The following SLC24A2 variants were observed in gnomAD, a reference collection of about 807,000 sequenced individuals.
SLC24A2 encodes solute carrier family 24 member 2, also known as sodium/potassium/calcium exchanger 2.
Under a neutral mutation model 62.0 loss-of-function variants are expected in SLC24A2, and 36 were observed. The ratio of observed to expected loss-of-function variants is 0.58; its 90% CI spans 0.44 to 0.77. The LOEUF (loss-of-function observed/expected upper bound fraction) is 0.77. Among genes scored for constraint, SLC24A2 ranks in the 30% least tolerant of loss-of-function variants. The pLI is 0.00. For synonymous variants in SLC24A2, 358 were observed against 294.0 expected (o/e 1.22, Z -2.23); for missense variants, 846 against 817.9 (o/e 1.03, Z -0.42).
chr9:19,706,921 GAAAT>G (rs1308260783), intron 2 of SLC24A2, among the ~76,000 whole-genome samples: 3 of 151,788 alleles, frequency 2.0e-5, no homozygotes, highest in Non-Finnish European at 4.4e-5. Flanking sequence ...AGAACTGAAG[GAAAT>G]AGAGACACAA....
the SLC24A2 span, among the ~76,000 whole-genome samples, chr9:20,072,313 C>T: frequency 6.6e-6 from 1 of 152,044 alleles, no homozygotes; most frequent in Non-Finnish European, 1.5e-5. Context: ...CAATGAGGGT[C>T]TTATGACCCA....
chr9:19,595,599 T>A (rs796977054), intron 5 of SLC24A2, among the ~76,000 whole-genome samples: 113 of 152,272 alleles, frequency 7.4e-4, no homozygotes, highest in African/African-American at 2.6e-3. Flanking sequence ...AGTGATAGAA[T>A]CAGATTGGAA....
chr9:19,523,001 T>G (rs1183286763), intron 9 of SLC24A2, among the ~76,000 whole-genome samples: 1 of 152,170 alleles, frequency 6.6e-6, no homozygotes, highest in Non-Finnish European at 1.5e-5. Flanking sequence ...ATTAAATTCT[T>G]GGAGGGAATT....
chr9:19,566,148 C>A (rs1166525044), intron 7 of SLC24A2, among the ~76,000 whole-genome samples: 1 of 151,950 alleles, frequency 6.6e-6, no homozygotes, highest in Non-Finnish European at 1.5e-5. Flanking sequence ...TTCTGCACAG[C>A]AAAAGAAACT....
At chr9:19,538,880 G>A (rs1160228173) in intron 8 of SLC24A2, among the ~76,000 whole-genome samples, 7 of 126,454 alleles carry the variant, frequency 5.5e-5, no homozygotes, top group African/African-American at 2.1e-4. Flanking sequence ...CACAATTTCA[G>A]AGCCTGTTAT....
intron 7 of SLC24A2, among the ~76,000 whole-genome samples, chr9:19,552,411 A>C (rs972806543): frequency 3.9e-5 from 6 of 152,194 alleles, no homozygotes; most frequent in African/African-American, 1.4e-4. Context: ...GTTTAACCCA[A>C]ATGAATGACT....
the SLC24A2 span, among the ~76,000 whole-genome samples, chr9:19,848,279 G>A: frequency 7.2e-5 from 11 of 152,150 alleles, no homozygotes; most frequent in African/African-American, 2.7e-4. Flanking sequence ...TAGAGGAAGA[G>A]GTTTAAATTG....
At chr9:20,300,387 T>C in the SLC24A2 span, among the ~76,000 whole-genome samples, 1 of 152,210 alleles carries the variant, frequency 6.6e-6, no homozygotes, top group African/African-American at 2.4e-5. Context: ...TTGTTTGTTT[T>C]CTATAAAATG....
chr9:20,081,092 T>C, the SLC24A2 span, among the ~76,000 whole-genome samples: 1 of 152,208 alleles, frequency 6.6e-6, no homozygotes, highest in Non-Finnish European at 1.5e-5. Context: ...GATCTAGAAC[T>C]GGAAATACCA....
chr9:19,973,836 G>C, the SLC24A2 span, among the ~76,000 whole-genome samples: 1 of 152,126 alleles, frequency 6.6e-6, no homozygotes, highest in Admixed American at 6.6e-5. Context: ...TTAGATAGTA[G>C]GTTTTTTTGA....
At chr9:19,768,976 T>C (rs1461592222) in intron 2 of SLC24A2, among the ~76,000 whole-genome samples, 1 of 152,048 alleles carries the variant, frequency 6.6e-6, no homozygotes, top group Non-Finnish European at 1.5e-5. Context: ...TTCCATCCCA[T>C]GGCTTTACAC....
At chr9:19,674,246 T>G (rs183356279) in intron 2 of SLC24A2, among the ~76,000 whole-genome samples, 197 of 152,342 alleles carry the variant, frequency 1.3e-3, no homozygotes, top group African/African-American at 4.5e-3. Flanking sequence ...GTTGTTAATC[T>G]GATAGGTTTT....
At chr9:19,931,847 T>C in the SLC24A2 span, among the ~76,000 whole-genome samples, 6 of 152,194 alleles carry the variant, frequency 3.9e-5, no homozygotes, top group African/African-American at 1.4e-4. Flanking sequence ...AATGAATTCA[T>C]TGAATAAAGA....
At position 19,669,313 on chromosome 9, in the gene SLC24A2, T is replaced by TTA. The variant is rs200657737; in HGVS notation, c.931-47016_931-47015dup. ...GGGTTGGGTGGGGAGTGGTGGTGGG[T>TTA]TATGGGGAGAAGTGCTGGCATTCAC... On this transcript the variant is annotated intron_variant, in intron 2 of 10. Coordinates refer to ENST00000341998, the MANE Select transcript of SLC24A2 (RefSeq NM_020344.4). Among the ~76,000 whole-genome samples, 442 of 151,912 alleles carry TTA rather than the reference T, an allele frequency of 2.9e-3. 2 individuals carry two copies. Among genetic ancestry groups the TTA allele is most frequent in the African/African-American group, 0.01 (431 of 41,378 alleles).
chr9:19,549,807 G>A (rs915059370), intron 8 of SLC24A2, among the ~76,000 whole-genome samples: 5 of 152,256 alleles, frequency 3.3e-5, no homozygotes, highest in Admixed American at 1.3e-4. Flanking sequence ...ATTCTTGATC[G>A]ACAGGATCCA....
At chr9:19,774,541 T>C (rs1210865349) in intron 2 of SLC24A2, among the ~76,000 whole-genome samples, 1 of 152,176 alleles carries the variant, frequency 6.6e-6, no homozygotes, top group East Asian at 1.9e-4. Context: ...TATCAGGTGG[T>C]ACGGAAAAAG....
At chr9:20,221,682 G>A in the SLC24A2 span, among the ~76,000 whole-genome samples, 2 of 151,810 alleles carry the variant, frequency 1.3e-5, no homozygotes, top group East Asian at 1.9e-4. Context: ...TAACAAACCG[G>A]CAGAACATCA....
the SLC24A2 span, among the ~76,000 whole-genome samples, chr9:19,858,438 G>T: frequency 2.6e-5 from 4 of 152,160 alleles, no homozygotes; most frequent in Non-Finnish European, 4.4e-5. Flanking sequence ...GTAGACATAG[G>T]AATGGGCAAG....
rs558335347 is a variant in SLC24A2 at position 19,733,930 on chromosome 9, G to A, written c.930+52007C>T. Reference sequence around the variant, plus strand: ...CTCTTATTTCAGGTAATAAGTCCAGGAAGAAAAACAAAACAGAATAAGGGA... The same window carrying A: ...CTCTTATTTCAGGTAATAAGTCCAGAAAGAAAAACAAAACAGAATAAGGGA... On this transcript the variant is annotated intron_variant, in intron 2 of 10. Coordinates refer to ENST00000341998, the MANE Select transcript of SLC24A2 (RefSeq NM_020344.4). Among the ~76,000 whole-genome samples the A allele has an allele frequency of 5.3e-5, 8 of 152,188 alleles. No homozygotes were observed. In the East Asian group the frequency reaches 9.7e-4, roughly 18 times the overall value.
Sources: gnomAD v4.1 joint callset for allele counts (sites outside exome capture counted in the v4.1 genomes callset) on GRCh38, gnomAD v4.1.1 for gene constraint, MANE v1.5 for transcripts, NCBI Gene and HGNC (gene_info 2026-07-23, HGNC 2026-07-21) for gene names.